RAP1GAP2: variants seen among roughly 807,000 people sequenced by gnomAD.
RAP1GAP2 encodes RAP1 GTPase activating protein 2.
RAP1GAP2 carries 27 observed loss-of-function variants against 95.0 expected under a neutral mutation model. The ratio of observed to expected loss-of-function variants is 0.28; its 90% CI spans 0.21 to 0.39. RAP1GAP2 has a LOEUF of 0.39. Among genes scored for constraint, RAP1GAP2 ranks in the 10% least tolerant of loss-of-function variants. The pLI is 1.00. For synonymous variants in RAP1GAP2, 373 were observed against 380.9 expected (o/e 0.98, Z 0.24); for missense variants, 771 against 970.0 (o/e 0.79, Z 2.72).
At chr17:2,770,533 G>T in intron 2 of RAP1GAP2, 1 of 397,990 alleles carries the variant, frequency 2.5e-6, no homozygotes, top group Non-Finnish European at 4.4e-6. Flanking sequence ...CTCCGCACTG[G>T]TCCACAAATC....
At chr17:2,949,656 C>T (rs12450530) in intron 3 of RAP1GAP2, among the ~76,000 whole-genome samples, 148,277 of 151,196 alleles carry the variant, frequency 0.98, 72,826 homozygotes, top group Non-Finnish European at 1. Context: ...TGAGCATTAA[C>T]TGAGTGCCTT....
At chr17:2,879,355 A>T (rs1358491641) in intron 2 of RAP1GAP2, among the ~76,000 whole-genome samples, 1 of 151,382 alleles carries the variant, frequency 6.6e-6, no homozygotes, top group African/African-American at 2.4e-5. Flanking sequence ...ACCTCAAGTG[A>T]TCCACCCGCC....
intron 3 of RAP1GAP2, among the ~76,000 whole-genome samples, chr17:2,942,791 G>A (rs190434419): frequency 2.6e-5 from 4 of 151,988 alleles, no homozygotes; most frequent in East Asian, 3.9e-4. Flanking sequence ...TTTTTGAGAC[G>A]GAGTCTTGCT....
chr17:2,814,740 C>G (rs764150063), intron 2 of RAP1GAP2, among the ~76,000 whole-genome samples: 2 of 152,122 alleles, frequency 1.3e-5, no homozygotes, highest in Non-Finnish European at 2.9e-5. Flanking sequence ...ACCACCCCCC[C>G]CAACCCCAAC....
rs1198221484 is a variant in RAP1GAP2 at position 2,963,049 on chromosome 17, C to T, written c.246+335C>T. ...GCCCCGGGTTCCAGTGGGCAGTCAG[C>T]TCTCAGCTTCCCAACCCAGGGGTGC... On this transcript the variant is annotated intron_variant, in intron 5 of 24. Coordinates refer to ENST00000254695, the MANE Select transcript of RAP1GAP2 (RefSeq NM_015085.5). The surrounding 1 kb of genome is among the most constrained non-coding windows in gnomAD (Gnocchi z 4.8). 3.8e-6 allele frequency: 2 copies of T among 522,346 alleles called. No homozygotes were observed. Among genetic ancestry groups the T allele is most frequent in the Non-Finnish European group, 6.8e-6 (2 of 294,656 alleles). 32.4% of individuals were successfully genotyped at this position (522,346 alleles called of 1,614,324 possible). A position where few individuals can be genotyped will look rare whatever the true frequency, so the allele number is the denominator to read the frequency against.
intron 1 of RAP1GAP2, among the ~76,000 whole-genome samples, chr17:2,755,927 C>T (rs2071131587): frequency 6.6e-6 from 1 of 151,964 alleles, no homozygotes; most frequent in Non-Finnish European, 1.5e-5. Flanking sequence ...CCCCACCACC[C>T]CCTCCGGTCC....
In RAP1GAP2 at chr17:2,855,685, C is replaced by G. The variant is rs1028454645; in HGVS notation, c.81-49599C>G. ...TGGAGTACAGTGGCGCCATCTCGGC[C>G]CACTGCAACCTCCACCTCCTGGGCT... On this transcript the variant is annotated intron_variant, in intron 2 of 24. Coordinates refer to ENST00000254695, the MANE Select transcript of RAP1GAP2 (RefSeq NM_015085.5). The surrounding 1 kb of genome is among the most constrained non-coding windows in gnomAD (Gnocchi z 4.3). Among the ~76,000 whole-genome samples, 4 of 152,120 alleles carry G rather than the reference C, an allele frequency of 2.6e-5. No individual in the cohort carries two copies. Among genetic ancestry groups the G allele is most frequent in the African/African-American group, 9.7e-5 (4 of 41,426 alleles).
chr17:2,971,739 C>G (rs1229033285), intron 8 of RAP1GAP2, among the ~76,000 whole-genome samples: 1 of 152,048 alleles, frequency 6.6e-6, no homozygotes, highest in Non-Finnish European at 1.5e-5. Flanking sequence ...GAGTGAGGAC[C>G]TTACATGCTG....
In RAP1GAP2 at chr17:2,965,726, A is replaced by T; in HGVS notation, c.596+83A>T. On this transcript the variant is annotated intron_variant, in intron 8 of 24. Transcript: ENST00000254695. This position sits in a 1 kb window ranked among gnomAD's most constrained non-coding sequence, Gnocchi z 4.7. ...GTGTGGGGGCTGGGATGGGACTCAG[A>T]AATACCAGACTGACCAGTCTGGTCT... 9.6e-7 allele frequency: 1 copy of T among 1,042,730 alleles called. No homozygotes were observed. 64.6% of individuals were successfully genotyped at this position (1,042,730 alleles called of 1,614,324 possible). A position where few individuals can be genotyped will look rare whatever the true frequency, so the allele number is the denominator to read the frequency against.
intron 2 of RAP1GAP2, among the ~76,000 whole-genome samples, chr17:2,898,403 G>C (rs1404260951): frequency 6.6e-6 from 1 of 152,188 alleles, no homozygotes; most frequent in Non-Finnish European, 1.5e-5. Context: ...CCTGAATCCA[G>C]TGTCCTCTTC....
intron 1 of RAP1GAP2, among the ~76,000 whole-genome samples, chr17:2,777,444 G>A (rs1177343520): frequency 6.6e-6 from 1 of 152,198 alleles, no homozygotes; most frequent in Non-Finnish European, 1.5e-5. Flanking sequence ...GAGGCCTTGA[G>A]GGATCTTTGG....
chr17:2,943,588 G>C (rs4581732), intron 3 of RAP1GAP2, among the ~76,000 whole-genome samples: 148,420 of 152,200 alleles, frequency 0.98, 72,454 homozygotes, highest in African/African-American at 0.99. Flanking sequence ...TTGCTTGAAC[G>C]TGGCAGGTGG....
In RAP1GAP2 at chr17:2,963,273, G is replaced by A. The variant is rs2044420968; in HGVS notation, c.247-157G>A. On this transcript the variant is annotated intron_variant, in intron 5 of 24. Transcript: ENST00000254695. This position sits in a 1 kb window ranked among gnomAD's most constrained non-coding sequence, Gnocchi z 4.8. ...CAGTTTGGAGAAGAACATGGGGGAT[G>A]TTAGATTCCAGAGCTGATTCTGAGC... 2 of 831,490 alleles carry A rather than the reference G, an allele frequency of 2.4e-6. No homozygotes were observed. Among genetic ancestry groups the A allele is most frequent in the Non-Finnish European group, 4.0e-6 (2 of 494,092 alleles). 51.5% of individuals were successfully genotyped at this position (831,490 alleles called of 1,614,324 possible).
At chr17:2,782,033 G>C (rs1305582881) in intron 1 of RAP1GAP2, among the ~76,000 whole-genome samples, 2 of 152,244 alleles carry the variant, frequency 1.3e-5, no homozygotes, top group Admixed American at 6.5e-5. Flanking sequence ...GCCACCTACT[G>C]GGTGTCTCCA....
At chr17:2,780,309 C>T (rs2068614638) in intron 1 of RAP1GAP2, among the ~76,000 whole-genome samples, 2 of 152,228 alleles carry the variant, frequency 1.3e-5, no homozygotes, top group African/African-American at 4.8e-5. Context: ...CCCTGGCCTC[C>T]CAAAGTGCTG....
chr17:2,968,086 A>G (rs566483261), intron 8 of RAP1GAP2, among the ~76,000 whole-genome samples: 2 of 152,324 alleles, frequency 1.3e-5, no homozygotes, highest in South Asian at 4.1e-4. Flanking sequence ...TTTGAAAAGT[A>G]TTTACTTTTA....
Position 3,003,302 on chromosome 17 carries a change from G to C in RAP1GAP2, c.1201-2067G>C, listed in dbSNP as rs1390288888. On this transcript the variant is annotated intron_variant, in intron 14 of 24. Transcript: ENST00000254695. This position sits in a 1 kb window ranked among gnomAD's most constrained non-coding sequence, Gnocchi z 4.1. ...ACTCTGGATTATTTTTCAGAAATGAGTGTAGTCCTCATCCTGCCTGCTTGG... is the reference window on the plus strand; with the variant it reads ...ACTCTGGATTATTTTTCAGAAATGACTGTAGTCCTCATCCTGCCTGCTTGG... 2.6e-5 allele frequency among the ~76,000 whole-genome samples: 4 copies of C among 152,106 alleles called. No homozygotes were observed. The highest frequency in any genetic ancestry group is 7.2e-5 in the African/African-American group (3 of 41,398).
Position 2,972,598 on chromosome 17 carries a change from C to CAAAA in RAP1GAP2, c.596+6973_596+6976dup, listed in dbSNP as rs35539479. ...GGGTGACAAGAGTGAAAGTCCTTCT[C>CAAAA]AAAAAAAAAAAAAAAAAAAAAGGAT... On this transcript the variant is annotated intron_variant, in intron 8 of 24. Coordinates refer to ENST00000254695, the MANE Select transcript of RAP1GAP2 (RefSeq NM_015085.5). Among the ~76,000 whole-genome samples the CAAAA allele has an allele frequency of 3.9e-3, 334 of 85,192 alleles. 9 individuals carry two copies. The highest frequency in any genetic ancestry group is 0.016 in the African/African-American group (301 of 19,276). The allele number at this position is 85,192 out of a possible 152,430, so 55.9% of individuals were successfully genotyped here. A position where few individuals can be genotyped will look rare whatever the true frequency, so the allele number is the denominator to read the frequency against.
At chr17:2,823,027 G>A (rs2070378827) in intron 2 of RAP1GAP2, among the ~76,000 whole-genome samples, 1 of 152,134 alleles carries the variant, frequency 6.6e-6, no homozygotes, top group Non-Finnish European at 1.5e-5. Context: ...CTTCCTTGGG[G>A]TGAGGCACAG....
Sources: allele counts gnomAD v4.1 joint callset (sites outside exome capture counted in the v4.1 genomes callset), GRCh38; gene constraint gnomAD v4.1.1; non-coding constraint Gnocchi (gnomAD v3.1); transcripts MANE v1.5; gene names NCBI Gene and HGNC (gene_info 2026-07-23, HGNC 2026-07-21).